RGPD2: variants seen among roughly 807,000 people sequenced by gnomAD.
The protein encoded by RGPD2 is RANBP2-like and GRIP domain-containing protein 2.
Under a neutral mutation model 36.0 loss-of-function variants are expected in RGPD2, and 2 were observed. The observed-to-expected ratio is 0.06, with a 90% confidence interval of 0.02 to 0.17. RGPD2 has a LOEUF of 0.17. Among genes scored for constraint, RGPD2 ranks in the 10% least tolerant of loss-of-function variants. The pLI is 1.00. For synonymous variants in RGPD2, 19 were observed against 163.8 expected (o/e 0.12, Z 6.75); for missense variants, 40 against 464.3 (o/e 0.09, Z 8.40).
intron 22 of RGPD2, among the ~76,000 whole-genome samples, chr2:87,769,111 G>T (rs1685033025): frequency 1.1e-5 from 1 of 92,734 alleles, no homozygotes; most frequent in Admixed American, 1.3e-4. Flanking sequence ...GGGATTACAG[G>T]CATGCACCAC....
the RGPD2 span, among the ~76,000 whole-genome samples, chr2:87,922,292 C>CAAAAA: frequency 7.1e-5 from 6 of 84,676 alleles, no homozygotes; most frequent in Admixed American, 1.5e-4. Flanking sequence ...GACTTCGTCT[C>CAAAAA]AAAAAAAAAA....
chr2:87,909,092 G>A, the RGPD2 span, among the ~76,000 whole-genome samples: 1 of 149,974 alleles, frequency 6.7e-6, no homozygotes, highest in African/African-American at 2.5e-5. Context: ...AAGAGTCAGG[G>A]ATGGGGTATG....
intron 22 of RGPD2, among the ~76,000 whole-genome samples, chr2:87,760,871 C>A (rs1444084525): frequency 6.7e-6 from 1 of 148,442 alleles, no homozygotes; most frequent in Non-Finnish European, 1.5e-5. Context: ...CCCGCCTCGG[C>A]CTCCCAAATT....
At chr2:87,847,304 G>A in the RGPD2 span, among the ~76,000 whole-genome samples, 1 of 152,102 alleles carries the variant, frequency 6.6e-6, no homozygotes, top group Non-Finnish European at 1.5e-5. Flanking sequence ...TGCAGTTTTT[G>A]TGTTATATTT....
At chr2:87,957,508 G>T in the RGPD2 span, among the ~76,000 whole-genome samples, 44 of 152,206 alleles carry the variant, frequency 2.9e-4, no homozygotes, top group African/African-American at 9.9e-4. Flanking sequence ...CTGGTTCATA[G>T]ATGGCAGTTC....
At chr2:87,863,613 G>T in the RGPD2 span, among the ~76,000 whole-genome samples, 11 of 152,092 alleles carry the variant, frequency 7.2e-5, no homozygotes, top group South Asian at 4.1e-4. Context: ...TGATGTGACC[G>T]GTTTCCAAAA....
chr2:87,841,975 T>C, the RGPD2 span, among the ~76,000 whole-genome samples: 121 of 142,106 alleles, frequency 8.5e-4, no homozygotes, highest in Middle Eastern at 3.5e-3. Context: ...ATTATCTCAA[T>C]AGATGCAGAA....
At chr2:87,920,333 T>C in the RGPD2 span, among the ~76,000 whole-genome samples, 1 of 152,060 alleles carries the variant, frequency 6.6e-6, no homozygotes, top group Admixed American at 6.5e-5. Context: ...TTTACTTTTG[T>C]AGTCATTTAG....
chr2:87,933,669 G>A, the RGPD2 span, among the ~76,000 whole-genome samples: 1 of 148,994 alleles, frequency 6.7e-6, no homozygotes, highest in East Asian at 2.0e-4. Context: ...CAGAAAGGTA[G>A]TGTTTAAGTT....
chr2:87,915,576 G>GTGTGTGTATATACACATATATA, the RGPD2 span, among the ~76,000 whole-genome samples: 2,965 of 140,722 alleles, frequency 0.021, 52 homozygotes, highest in Non-Finnish European at 0.032. Flanking sequence ...ACACATATAT[G>GTGTGTGTATATACACATATATA]TGTGTGTATA....
At chr2:87,930,750 T>C in the RGPD2 span, among the ~76,000 whole-genome samples, 2 of 151,076 alleles carry the variant, frequency 1.3e-5, no homozygotes, top group Admixed American at 1.3e-4. Flanking sequence ...GAACTTGTTA[T>C]TGATCTGTTC....
At chr2:87,934,876 C>T in the RGPD2 span, among the ~76,000 whole-genome samples, 1 of 149,498 alleles carries the variant, frequency 6.7e-6, no homozygotes, top group Non-Finnish European at 1.5e-5. Flanking sequence ...TTTATTAAAT[C>T]CTCAATTTAA....
chr2:87,897,897 G>A, the RGPD2 span, among the ~76,000 whole-genome samples: 3 of 151,998 alleles, frequency 2.0e-5, no homozygotes, highest in African/African-American at 7.3e-5. Context: ...TCAACTTTGT[G>A]ATTTATGTAA....
At chr2:87,871,814 G>A in the RGPD2 span, among the ~76,000 whole-genome samples, 95 of 145,644 alleles carry the variant, frequency 6.5e-4, no homozygotes, top group East Asian at 9.2e-3. Context: ...GCGGTGCGCC[G>A]AGATCACACC....
chr2:87,985,250 G>A, the RGPD2 span, among the ~76,000 whole-genome samples: 1 of 151,328 alleles, frequency 6.6e-6, no homozygotes, highest in East Asian at 1.9e-4. Flanking sequence ...CTCGGCTAAA[G>A]TACTTTAAAT....
chr2:87,986,928 T>A, the RGPD2 span, among the ~76,000 whole-genome samples: 1 of 149,698 alleles, frequency 6.7e-6, no homozygotes, highest in Non-Finnish European at 1.5e-5. Context: ...TGTTTATACA[T>A]TTATATAAAA....
the RGPD2 span, among the ~76,000 whole-genome samples, chr2:87,905,589 A>C: frequency 6.6e-6 from 1 of 151,840 alleles, no homozygotes; most frequent in African/African-American, 2.4e-5. Context: ...AGAGCTGTAC[A>C]GCCCTTACCA....
intron 22 of RGPD2, among the ~76,000 whole-genome samples, chr2:87,769,251 G>A (rs1245084107): frequency 6.7e-6 from 1 of 149,250 alleles, no homozygotes; most frequent in African/African-American, 2.5e-5. Context: ...ACAGGTGTGA[G>A]CCACCGTGCC....
chr2:87,881,171 T>G, the RGPD2 span, among the ~76,000 whole-genome samples: 1 of 151,794 alleles, frequency 6.6e-6, no homozygotes, highest in Non-Finnish European at 1.5e-5. Flanking sequence ...TATGTGGCTT[T>G]CCAGGTTTCA....
Sources: allele counts gnomAD v4.1 joint callset (sites outside exome capture counted in the v4.1 genomes callset), GRCh38; gene constraint gnomAD v4.1.1; transcripts MANE v1.5; gene names NCBI Gene and HGNC (gene_info 2026-07-23, HGNC 2026-07-21).